The following PDE7A variants were observed in gnomAD, a reference collection of about 807,000 sequenced individuals.
PDE7A encodes the protein high affinity 3',5'-cyclic-AMP phosphodiesterase 7A.
PDE7A carries 39 observed loss-of-function variants against 64.3 expected under a neutral mutation model. The observed-to-expected ratio is 0.61, with a 90% CI of 0.47 to 0.79. The LOEUF (loss-of-function observed/expected upper bound fraction) is 0.79, where lower values mean the gene tolerates loss of function less well. Ranked by LOEUF, PDE7A falls within the 30% of genes least tolerant of loss-of-function variation. The pLI is 0.00. For missense variants in PDE7A, 470 were observed against 582.8 expected, an observed-to-expected ratio of 0.81 and a Z score of 1.99; for synonymous variants, 203 against 206.8, an observed-to-expected ratio of 0.98 and a Z score of 0.16.
At chr8:65,726,839 C>G (rs1585829829) in intron 9 of PDE7A, 36 bp downstream of exon 9, 1 of 1,106,574 alleles carries the variant, frequency 9.0e-7, no homozygotes, top group Admixed American at 1.8e-5. Flanking sequence ...ACTTCTATAA[C>G]CAGTAACAAA....
At chr8:65,781,029 A>C (rs1340389035) in intron 2 of PDE7A, 2 of 152,254 alleles carry the variant, frequency 1.3e-5, no homozygotes, top group Non-Finnish European at 2.9e-5. Flanking sequence ...GTCCTCATGA[A>C]GCTTATCTTT....
intron 1 of PDE7A, among the ~76,000 whole-genome samples, chr8:65,828,934 T>G: frequency 6.6e-6 from 1 of 152,118 alleles, no homozygotes; most frequent in East Asian, 1.9e-4. Context: ...TATTCGAGTA[T>G]TTTGCTAATT....
At chr8:65,792,537 C>A (rs981327865) in intron 1 of PDE7A, among the ~76,000 whole-genome samples, 1 of 152,198 alleles carries the variant, frequency 6.6e-6, no homozygotes, top group African/African-American at 2.4e-5. Flanking sequence ...ATTAGGCTAA[C>A]CTCATCTGCA....
At chr8:65,828,990 C>T (rs1459948295) in intron 1 of PDE7A, among the ~76,000 whole-genome samples, 2 of 151,886 alleles carry the variant, frequency 1.3e-5, no homozygotes, top group Admixed American at 1.3e-4. Flanking sequence ...ATTGTATTAT[C>T]CTTGTTAAAA....
At chr8:65,764,502 T>C (rs1302450822) in intron 3 of PDE7A, among the ~76,000 whole-genome samples, 1 of 152,166 alleles carries the variant, frequency 6.6e-6, no homozygotes, top group Non-Finnish European at 1.5e-5. Flanking sequence ...GTATGAAAGT[T>C]AGATAAGAGA....
chr8:65,735,608 A>G (rs1807097199), intron 6 of PDE7A, among the ~76,000 whole-genome samples: 1 of 151,176 alleles, frequency 6.6e-6, no homozygotes, highest in African/African-American at 2.4e-5. Context: ...ACTATGCCCC[A>G]CCTAATAAGC....
At chr8:65,755,656 A>C (rs1343425368) in intron 3 of PDE7A, among the ~76,000 whole-genome samples, 3 of 152,238 alleles carry the variant, frequency 2.0e-5, no homozygotes, top group Admixed American at 2.0e-4. Context: ...GAGGTGTTAT[A>C]AACCAAAAAT....
intron 1 of PDE7A, among the ~76,000 whole-genome samples, chr8:65,799,471 CCAGAGTG>C (rs1031897271): frequency 1.3e-5 from 2 of 151,968 alleles, no homozygotes; most frequent in African/African-American, 4.8e-5. Flanking sequence ...ACTCTAGGTC[CCAGAGTG>C]GAATGGATTA....
chr8:65,721,719 G>C (rs1367541679), intron 12 of PDE7A: 1 of 151,836 alleles, frequency 6.6e-6, no homozygotes, highest in Non-Finnish European at 1.5e-5. Context: ...AGTTTACTAG[G>C]ATAAAAAGAC....
At chr8:65,731,364 G>C (rs1459053751) in intron 7 of PDE7A, among the ~76,000 whole-genome samples, 1 of 152,222 alleles carries the variant, frequency 6.6e-6, no homozygotes, top group Non-Finnish European at 1.5e-5. Context: ...GACAAGTAGA[G>C]CAAGGTTTAA....
chr8:65,796,143 A>C (rs541643275), intron 1 of PDE7A, among the ~76,000 whole-genome samples: 12 of 152,002 alleles, frequency 7.9e-5, no homozygotes, highest in Admixed American at 1.3e-4. Flanking sequence ...TAAAAAAAAA[A>C]ACATGAATCT....
intron 1 of PDE7A, among the ~76,000 whole-genome samples, chr8:65,797,683 A>T (rs1809876354): frequency 2.0e-5 from 3 of 152,230 alleles, no homozygotes; most frequent in Admixed American, 2.0e-4. Flanking sequence ...ATGCAGTCTC[A>T]AAATCCCAGC....
chr8:65,755,320 C>T (rs1808175565), intron 3 of PDE7A, among the ~76,000 whole-genome samples: 1 of 152,070 alleles, frequency 6.6e-6, no homozygotes, highest in African/African-American at 2.4e-5. Context: ...CATGCCCGGC[C>T]CATTATTGCC....
chr8:65,720,291 A>C (rs1263641415), intron 12 of PDE7A: 1 of 153,896 alleles, frequency 6.5e-6, no homozygotes, highest in African/African-American at 2.4e-5. Flanking sequence ...TATCAATCAA[A>C]TCATATTATA....
chr8:65,800,931 T>C (rs11774586), intron 1 of PDE7A, among the ~76,000 whole-genome samples: 14,026 of 152,218 alleles, frequency 0.092, 757 homozygotes, highest in Middle Eastern at 0.13. Flanking sequence ...CTATTGCAGC[T>C]AACATCAAAA....
chr8:65,725,009 C>A lies in PDE7A; in HGVS notation c.921-88G>T, dbSNP rs1806551436. On this transcript the variant is annotated intron_variant, in intron 9 of 12. Transcript: ENST00000401827. ...TTTCTTAACCATAATAATCGGAAGGCTTTATAGAACCCTAAAATATCCAAC... is the reference window on the plus strand; with the variant it reads ...TTTCTTAACCATAATAATCGGAAGGATTTATAGAACCCTAAAATATCCAAC... The A allele has an allele frequency of 1.1e-5, 8 of 710,230 alleles. No individual in the cohort carries two copies. In the South Asian group the frequency reaches 2.6e-4, roughly 23 times the overall value. The allele number at this position is 710,230 out of a possible 1,614,324, so 44.0% of individuals were successfully genotyped here.
intron 1 of PDE7A, 108 bp downstream of exon 1, chr8:65,841,263 G>A: frequency 1.6e-6 from 2 of 1,245,756 alleles, no homozygotes; most frequent in Middle Eastern, 2.3e-4. Flanking sequence ...GAAATCCCCA[G>A]ACAATGGACA....
In PDE7A at chr8:65,841,613, C is replaced by T; in HGVS notation, c.-105G>A. 2.4e-6 allele frequency: 1 copy of T among 419,354 alleles called. No individual in the cohort carries two copies. Among genetic ancestry groups the T allele is most frequent in the Non-Finnish European group, 3.5e-6 (1 of 289,104 alleles). The allele number at this position is 419,354 out of a possible 1,614,324, so 26.0% of individuals were successfully genotyped here. On this transcript the variant is annotated 5_prime_UTR_variant, in exon 1 of 13. Transcript: ENST00000401827. Reference sequence around the variant, plus strand: ...CGGGGGCTCCGGGCCGAGACGGGGGCAGGGCGGGCGGGGACCGACCCCGGG... The same window carrying T: ...CGGGGGCTCCGGGCCGAGACGGGGGTAGGGCGGGCGGGGACCGACCCCGGG...
chr8:65,724,547 G>A (rs965230219), intron 10 of PDE7A, among the ~76,000 whole-genome samples, 196 bp from the exon 11 acceptor site: 2 of 152,090 alleles, frequency 1.3e-5, no homozygotes, highest in Non-Finnish European at 2.9e-5. Context: ...TGTAAAAATT[G>A]TTTTCATCAG....
Sources: allele counts gnomAD v4.1 joint callset (sites outside exome capture counted in the v4.1 genomes callset), GRCh38; gene constraint gnomAD v4.1.1; transcripts MANE v1.5; gene names NCBI Gene and HGNC (gene_info 2026-07-23, HGNC 2026-07-21).